Variants in PIEZO2 observed in about 807,000 individuals in gnomAD.
PIEZO2 encodes piezo-type mechanosensitive ion channel component 2.
A neutral mutation model predicts 337.3 loss-of-function variants in PIEZO2; 172 were observed. The ratio of observed to expected loss-of-function variants is 0.51; its 90% CI spans 0.45 to 0.58. PIEZO2 has a LOEUF of 0.58. Among genes scored for constraint, PIEZO2 ranks in the 20% least tolerant of loss-of-function variants. The pLI is 0.00. For synonymous variants in PIEZO2, 1,251 were observed against 1,228.5 expected, an observed-to-expected ratio of 1.02 and a Z score of -0.38; for missense variants, 3,028 against 3,391.3, an observed-to-expected ratio of 0.89 and a Z score of 2.66.
At chr18:10,864,200 A>T (rs1334470132) in intron 5 of PIEZO2, among the ~76,000 whole-genome samples, 1 of 152,180 alleles carries the variant, frequency 6.6e-6, no homozygotes, top group Admixed American at 6.5e-5. Context: ...CTGTTTCAGA[A>T]TCAACAGTAT....
chr18:10,738,486 A>C (rs1044558442), intron 33 of PIEZO2: 2 of 152,194 alleles, frequency 1.3e-5, no homozygotes, highest in African/African-American at 4.8e-5. Flanking sequence ...GAAAAAAGAA[A>C]ATGTAAAAAA....
At chr18:10,817,499 T>C (rs2040396297) in intron 7 of PIEZO2, among the ~76,000 whole-genome samples, 1 of 152,214 alleles carries the variant, frequency 6.6e-6, no homozygotes, top group African/African-American at 2.4e-5. Flanking sequence ...ATCTTGTTCA[T>C]AAAAAACTTA....
At chr18:10,687,856 C>T (rs1015492552) in intron 49 of PIEZO2, among the ~76,000 whole-genome samples, 2 of 152,200 alleles carry the variant, frequency 1.3e-5, no homozygotes, top group African/African-American at 4.8e-5. Context: ...TCGAATAACA[C>T]CCAGTTGGGC....
At chr18:10,812,650 G>T (rs1270141053) in intron 7 of PIEZO2, among the ~76,000 whole-genome samples, 1 of 152,042 alleles carries the variant, frequency 6.6e-6, no homozygotes, top group African/African-American at 2.4e-5. Flanking sequence ...TCATTCTTTC[G>T]GCTCTGGGGG....
chr18:10,734,372 A>C (rs2036911725), intron 35 of PIEZO2, among the ~76,000 whole-genome samples: 4 of 152,164 alleles, frequency 2.6e-5, no homozygotes, highest in Non-Finnish European at 5.9e-5. Flanking sequence ...GTTTGAGGGA[A>C]ATGCACACTG....
At position 10,853,718 on chromosome 18, in the gene PIEZO2, T is replaced by C. The variant is rs1285005109; in HGVS notation, c.917+1635A>G. Among the ~76,000 whole-genome samples the C allele has an allele frequency of 6.6e-6, 1 of 152,222 alleles. No homozygotes were observed. Among genetic ancestry groups the C allele is most frequent in the Non-Finnish European group, 1.5e-5 (1 of 68,050 alleles). On this transcript the variant is annotated intron_variant, in intron 7 of 55. Transcript: ENST00000674853. This position sits in a 1 kb window ranked among gnomAD's most constrained non-coding sequence, Gnocchi z 4.2. ...CTTCTCTCTGTTAACTATTCCTATG[T>C]ATGTATGTATCTATCAATCTATTAT...
chr18:10,757,208 T>G (rs1598438320), intron 27 of PIEZO2, among the ~76,000 whole-genome samples: 4 of 122,844 alleles, frequency 3.3e-5, no homozygotes, highest in African/African-American at 6.6e-5. Flanking sequence ...GGAGGAGGGG[T>G]GGAGGATGAG....
At chr18:10,875,513 A>G (rs1042974821) in intron 4 of PIEZO2, among the ~76,000 whole-genome samples, 6 of 152,224 alleles carry the variant, frequency 3.9e-5, no homozygotes, top group Non-Finnish European at 5.9e-5. Flanking sequence ...GGCTGAGGTC[A>G]GGAGTAGTAG....
At chr18:11,023,726 G>A (rs377456139) in intron 2 of PIEZO2, among the ~76,000 whole-genome samples, 2 of 152,214 alleles carry the variant, frequency 1.3e-5, no homozygotes, top group African/African-American at 2.4e-5. Flanking sequence ...GGCTAGGGCC[G>A]CACAGGAGCC....
chr18:10,963,432 CA>C (rs1220343354), intron 3 of PIEZO2, among the ~76,000 whole-genome samples: 1 of 152,200 alleles, frequency 6.6e-6, no homozygotes, highest in Non-Finnish European at 1.5e-5. Flanking sequence ...TCACCAAATA[CA>C]TATCACATTT....
intron 33 of PIEZO2, chr18:10,739,234 A>C (rs2037124973): frequency 6.6e-6 from 1 of 152,258 alleles, no homozygotes; most frequent in African/African-American, 2.4e-5. Flanking sequence ...ATATGATTCC[A>C]AACTATGAAT....
chr18:11,008,042 A>G (rs1198954321), intron 2 of PIEZO2, among the ~76,000 whole-genome samples: 1 of 152,194 alleles, frequency 6.6e-6, no homozygotes, highest in East Asian at 1.9e-4. Context: ...TCCTCACTTG[A>G]CAAGCACTTC....
At position 10,721,366 on chromosome 18, in the gene PIEZO2, G is replaced by A. The variant is rs546294327; in HGVS notation, c.5030-3107C>T. ...ATCTATCTGGAAGACATGACGCCTC[G>A]TACCAAGAAAGTGCTGAGTAAAGAT... On this transcript the variant is annotated intron_variant, in intron 36 of 55. Transcript: ENST00000674853. Among the ~76,000 whole-genome samples the A allele has an allele frequency of 1.3e-3, 191 of 152,294 alleles. 1 individual carries two copies. The highest frequency in any genetic ancestry group is 4.3e-3 in the African/African-American group (177 of 41,554).
chr18:11,026,089 T>C (rs933242481), intron 2 of PIEZO2, among the ~76,000 whole-genome samples: 2 of 152,172 alleles, frequency 1.3e-5, no homozygotes, highest in African/African-American at 4.8e-5. Context: ...CGCATTGCTT[T>C]GCCGGTTTGC....
chr18:10,865,269 T>C (rs1349094085), intron 5 of PIEZO2, among the ~76,000 whole-genome samples: 2 of 152,204 alleles, frequency 1.3e-5, no homozygotes, highest in African/African-American at 2.4e-5. Context: ...GTGTTTTATC[T>C]AGGGAAGTGG....
At position 10,745,303 on chromosome 18, in the gene PIEZO2, C is replaced by T. The variant is rs144558894; in HGVS notation, c.4425-1072G>A. ...GCATTTCCAATCTTTCCATCAGTACCGAATTCTGTCCATTAACATGCAAAT... is the reference window on the plus strand; with the variant it reads ...GCATTTCCAATCTTTCCATCAGTACTGAATTCTGTCCATTAACATGCAAAT... On this transcript the variant is annotated intron_variant, in intron 30 of 55. Coordinates refer to ENST00000674853, the MANE Select transcript of PIEZO2 (RefSeq NM_001378183.1). 3.0e-4 allele frequency among the ~76,000 whole-genome samples: 46 copies of T among 152,204 alleles called. 1 individual carries two copies. The highest frequency in any genetic ancestry group is 1.0e-3 in the African/African-American group (42 of 41,548).
Position 10,716,477 on chromosome 18 carries a change from C to T in PIEZO2, c.5090-661G>A, listed in dbSNP as rs1400912676. 9.2e-5 allele frequency among the ~76,000 whole-genome samples: 14 copies of T among 152,312 alleles called. No individual in the cohort carries two copies. Among genetic ancestry groups the T allele is most frequent in the African/African-American group, 3.4e-4 (14 of 41,562 alleles). ...CCCTGGTGACACCCAAACCTCAAAA[C>T]CATGTCACACCTAACAGTCTTCCAT... On this transcript the variant is annotated intron_variant, in intron 37 of 55. Transcript: ENST00000674853. The surrounding 1 kb of genome is among the most constrained non-coding windows in gnomAD (Gnocchi z 4.1).
At chr18:11,106,662 C>T (rs1324517252) in intron 1 of PIEZO2, among the ~76,000 whole-genome samples, 1 of 152,118 alleles carries the variant, frequency 6.6e-6, no homozygotes, top group African/African-American at 2.4e-5. Flanking sequence ...ATCTTCCGAT[C>T]TCAGCCTCCC....
At chr18:10,782,224 AAT>A (rs1268240228) in intron 17 of PIEZO2, among the ~76,000 whole-genome samples, 2 of 131,450 alleles carry the variant, frequency 1.5e-5, no homozygotes, top group African/African-American at 5.7e-5. Flanking sequence ...TATATATCAT[AAT>A]ATATATGATT....
Sources: allele counts gnomAD v4.1 joint callset (sites outside exome capture counted in the v4.1 genomes callset), GRCh38; gene constraint gnomAD v4.1.1; non-coding constraint Gnocchi (gnomAD v3.1); transcripts MANE v1.5; gene names NCBI Gene and HGNC (gene_info 2026-07-23, HGNC 2026-07-21).